The following TAF4 variants were observed in gnomAD, a reference collection of about 807,000 sequenced individuals.
The protein encoded by TAF4 is transcription initiation factor TFIID subunit 4.
TAF4 carries 9 observed loss-of-function variants against 90.3 expected under a neutral mutation model. That is an observed-to-expected ratio of 0.10 (90% confidence interval 0.06 to 0.17). The LOEUF (loss-of-function observed/expected upper bound fraction) is 0.17, where lower values mean the gene tolerates loss of function less well. TAF4 is among the 10% of genes least tolerant of loss of function. The pLI, the probability that TAF4 is intolerant of heterozygous loss-of-function variation, is 1.00. For missense variants in TAF4, 1,351 were observed against 1,370.7 expected (o/e 0.99, Z 0.23); for synonymous variants, 818 against 638.9 (o/e 1.28, Z -4.23).
At chr20:62,009,776 C>T (rs1344330479) in intron 4 of TAF4, among the ~76,000 whole-genome samples, 3 of 152,204 alleles carry the variant, frequency 2.0e-5, no homozygotes, top group African/African-American at 4.8e-5. Flanking sequence ...TTACATACAA[C>T]GCGACAGTGC....
chr20:61,997,564 C>T lies in TAF4; in HGVS notation c.3076G>A (p.Gly1026Ser). The T allele has an allele frequency of 6.2e-7, 1 of 1,600,326 alleles. No individual in the cohort carries two copies. The highest frequency in any genetic ancestry group is 1.1e-5 in the South Asian group (1 of 88,848). Residue 1026 changes from glycine to serine, a missense_variant, in exon 14 of 15, where the codon GGC becomes AGC. This residue lies in a region of TAF4 where 48 missense variants were observed against 50.6 expected (regional missense o/e 0.95). Transcript: ENST00000252996. Reference sequence around the variant, plus strand: ...CACTGCCGTACCTCTGCTCCTGAGCCCGGCCCCGGACAGTCCACTTTCCTC... The same window carrying T: ...CACTGCCGTACCTCTGCTCCTGAGCTCGGCCCCGGACAGTCCACTTTCCTC... ...KKRKVDCPGP[G>S]SGAEGSGPGS...
chr20:62,030,399 G>A (rs926009489), intron 1 of TAF4, among the ~76,000 whole-genome samples: 11 of 152,182 alleles, frequency 7.2e-5, no homozygotes, highest in African/African-American at 1.9e-4. Flanking sequence ...GCTTTCATGC[G>A]TAGACAGACA....
intron 1 of TAF4, among the ~76,000 whole-genome samples, chr20:62,042,394 G>C (rs1350943832): frequency 6.6e-6 from 1 of 152,236 alleles, no homozygotes; most frequent in Non-Finnish European, 1.5e-5. Flanking sequence ...AAGTCCGTGT[G>C]ACCTGATTCT....
At chr20:62,037,399 T>A (rs2055938251) in intron 1 of TAF4, 1 of 152,414 alleles carries the variant, frequency 6.6e-6, no homozygotes, top group South Asian at 2.1e-4. Context: ...CAATTTTTTT[T>A]ATTTTAATTG....
intron 1 of TAF4, among the ~76,000 whole-genome samples, chr20:62,045,232 C>T (rs2055986522): frequency 6.6e-6 from 1 of 152,234 alleles, no homozygotes; most frequent in Non-Finnish European, 1.5e-5. Flanking sequence ...CAGGGACAAC[C>T]GTCCCGCACC....
intron 14 of TAF4, among the ~76,000 whole-genome samples, chr20:61,991,228 GGC>G (rs2055629323): frequency 6.6e-6 from 1 of 152,082 alleles, no homozygotes; most frequent in Non-Finnish European, 1.5e-5. Flanking sequence ...AGACCAGCCT[GGC>G]CAACATGGTG....
chr20:62,051,237 C>T (rs1215391274), intron 1 of TAF4, among the ~76,000 whole-genome samples: 18 of 152,164 alleles, frequency 1.2e-4, no homozygotes, highest in African/African-American at 2.7e-4. Context: ...AGCGAGGCCC[C>T]GGCCTGCGCC....
chr20:62,052,025 G>A (rs1391745478), intron 1 of TAF4, among the ~76,000 whole-genome samples: 2 of 152,166 alleles, frequency 1.3e-5, no homozygotes, highest in African/African-American at 4.8e-5. Flanking sequence ...ACAAGGAAGA[G>A]AGATGACAGG....
intron 4 of TAF4, 78 bp from the exon 5 acceptor site, chr20:62,009,252 G>A: frequency 7.4e-7 from 1 of 1,344,472 alleles, no homozygotes; most frequent in Non-Finnish European, 1.0e-6. Flanking sequence ...ACTAAAATAT[G>A]CATATGTACA....
At chr20:61,997,720 C>A in intron 13 of TAF4, 51 bp from the exon 14 acceptor site, 1 of 1,567,748 alleles carries the variant, frequency 6.4e-7, no homozygotes, top group South Asian at 1.2e-5. Flanking sequence ...ATGTTTTTTA[C>A]TTACTACAAA....
chr20:62,021,347 G>A (rs1159681940), intron 1 of TAF4, among the ~76,000 whole-genome samples: 1 of 152,278 alleles, frequency 6.6e-6, no homozygotes, highest in Non-Finnish European at 1.5e-5. Context: ...TGAAGCAGAA[G>A]GGAGGAACAG....
At chr20:62,062,419 G>A (rs571040486) in intron 1 of TAF4, among the ~76,000 whole-genome samples, 3 of 151,028 alleles carry the variant, frequency 2.0e-5, no homozygotes, top group South Asian at 2.1e-4. Context: ...TTTTGCTTTG[G>A]TTATTATTGA....
Position 62,006,554 on chromosome 20 carries a change from G to A in TAF4, c.2179C>T (p.Pro727Ser). 6.4e-7 allele frequency: 1 copy of A among 1,573,258 alleles called. No individual in the cohort carries two copies. Among genetic ancestry groups the A allele is most frequent in the Non-Finnish European group, 8.6e-7 (1 of 1,162,360 alleles). Residue 727 changes from proline to serine, a missense_variant, in exon 7 of 15, where the codon CCC becomes TCC. Coordinates refer to ENST00000252996, the MANE Select transcript of TAF4 (RefSeq NM_003185.4). The surrounding 1 kb of genome is among the most constrained non-coding windows in gnomAD (Gnocchi z 7.0). ...LQPPVLSLTQ[P>S]TQVGVGKQGQ... is the part of the protein sequence containing the mutation. ...TGCTTGCCGACGCCGACCTGCGTGG[G>A]CTGCGTGAGGCTGAGCACAGGGGGC...
At chr20:61,999,945 C>T (rs1010268759) in intron 11 of TAF4, among the ~76,000 whole-genome samples, 179 bp downstream of exon 11, 2 of 152,148 alleles carry the variant, frequency 1.3e-5, no homozygotes, top group Non-Finnish European at 2.9e-5. Context: ...TGAGACCCTA[C>T]CTCAAAAAGA....
In TAF4 at chr20:61,975,704, AG is replaced by A; in HGVS notation, c.*463del. The A allele has an allele frequency of 6.2e-6, 1 of 160,486 alleles. No individual in the cohort carries two copies. The highest frequency in any genetic ancestry group is 1.4e-5 in the Non-Finnish European group (1 of 72,916). 9.9% of individuals were successfully genotyped at this position (160,486 alleles called of 1,614,324 possible). Reference sequence around the variant, plus strand: ...GAGAGCGGGGTGGGAGGGGAAGGGAAGGAAGATAAATAGTCTAAAAAATCAG... The same window carrying A: ...GAGAGCGGGGTGGGAGGGGAAGGGAAGAAGATAAATAGTCTAAAAAATCAG... On this transcript the variant is annotated 3_prime_UTR_variant, in exon 15 of 15. Transcript: ENST00000252996.
chr20:62,064,389 TG>T, intron 1 of TAF4, 61 bp downstream of exon 1: 1 of 1,277,366 alleles, frequency 7.8e-7, no homozygotes. Context: ...GAGAACTTCC[TG>T]GAACTGGCAG....
rs1193622763 is a variant in TAF4, at chr20:62,017,397, G to C, written c.1361-2690C>G. Among the ~76,000 whole-genome samples the C allele has an allele frequency of 2.6e-5, 4 of 152,030 alleles. 1 individual carries two copies. Among genetic ancestry groups the C allele is most frequent in the African/African-American group, 9.7e-5 (4 of 41,374 alleles). On this transcript the variant is annotated intron_variant, in intron 1 of 14. Coordinates refer to ENST00000252996, the MANE Select transcript of TAF4 (RefSeq NM_003185.4). Reference sequence around the variant, plus strand: ...CTCACGCCTGTAATCCCAGCACTTTGGGAGGCCAAGGCGGGTAGATCACGA... The same window carrying C: ...CTCACGCCTGTAATCCCAGCACTTTCGGAGGCCAAGGCGGGTAGATCACGA...
At chr20:61,988,489 T>C (rs2055609544) in intron 14 of TAF4, among the ~76,000 whole-genome samples, 1 of 152,208 alleles carries the variant, frequency 6.6e-6, no homozygotes, top group Admixed American at 6.5e-5. Context: ...ATGGAAACTC[T>C]CTGTACTATT....
intron 9 of TAF4, among the ~76,000 whole-genome samples, chr20:62,001,934 G>C (rs1433826579): frequency 6.6e-6 from 1 of 152,124 alleles, no homozygotes; most frequent in Non-Finnish European, 1.5e-5. Flanking sequence ...GTGTTACTGG[G>C]GCGTTACTGT....
Sources: gnomAD v4.1 joint callset for allele counts (sites outside exome capture counted in the v4.1 genomes callset) on GRCh38, gnomAD v4.1.1 for gene constraint, gnomAD v4.1.1 regional missense constraint, Gnocchi (gnomAD v3.1) non-coding constraint, MANE v1.5 for transcripts, NCBI Gene and HGNC (gene_info 2026-07-23, HGNC 2026-07-21) for gene names.